GRB10: variants seen among roughly 807,000 people sequenced by gnomAD.
The protein encoded by GRB10 is growth factor receptor-bound protein 10.
In GRB10, 20 loss-of-function variants were observed where a neutral mutation model predicts 80.9. That is an observed-to-expected ratio of 0.25 (90% CI 0.17 to 0.36). The LOEUF (loss-of-function observed/expected upper bound fraction) is 0.36. GRB10 is among the 10% of genes least tolerant of loss of function. GRB10 has a pLI of 1.00. For missense variants in GRB10, 548 were observed against 747.7 expected (o/e 0.73, Z 3.12); for synonymous variants, 291 against 291.5 (o/e 1.00, Z 0.02).
At chr7:50,752,298 T>C (rs1056154778) in intron 3 of GRB10, among the ~76,000 whole-genome samples, 3 of 151,894 alleles carry the variant, frequency 2.0e-5, no homozygotes, top group Non-Finnish European at 4.4e-5. Flanking sequence ...AAGCCAAAAG[T>C]TGAGAGGATG....
chr7:50,649,639 G>T (rs1477203799), intron 7 of GRB10, among the ~76,000 whole-genome samples: 1 of 152,212 alleles, frequency 6.6e-6, no homozygotes. Context: ...GGCTGTGGAT[G>T]ATATGAGGCA....
intron 17 of GRB10, 28 bp from the exon 18 acceptor site, chr7:50,595,558 A>G: frequency 1.7e-6 from 2 of 1,192,418 alleles, no homozygotes; most frequent in Non-Finnish European, 1.3e-6. Flanking sequence ...GTTGATTGCT[A>G]AAATATTTTA....
At chr7:50,775,033 C>T (rs577929438) in intron 2 of GRB10, among the ~76,000 whole-genome samples, 2 of 150,424 alleles carry the variant, frequency 1.3e-5, no homozygotes, top group African/African-American at 4.9e-5. Context: ...TGATGGCACA[C>T]GCCTGTAGTC....
intron 4 of GRB10, among the ~76,000 whole-genome samples, chr7:50,707,847 G>A (rs1172132626): frequency 6.6e-6 from 1 of 152,184 alleles, no homozygotes; most frequent in African/African-American, 2.4e-5. Context: ...TGTGCACTGT[G>A]AGGTATGAGG....
intron 7 of GRB10, among the ~76,000 whole-genome samples, chr7:50,635,955 TCCTTTCC>T (rs1563237056): frequency 9.3e-6 from 1 of 107,542 alleles, no homozygotes; most frequent in Non-Finnish European, 2.0e-5. Flanking sequence ...TTTTTTTTTT[TCCTTTCC>T]TTTTTTTTTT....
intron 2 of GRB10, among the ~76,000 whole-genome samples, chr7:50,765,644 G>C (rs2076266124): frequency 6.6e-6 from 1 of 152,128 alleles, no homozygotes; most frequent in Non-Finnish European, 1.5e-5. Flanking sequence ...GAAGAGTAGG[G>C]GGGTATGGAG....
intron 2 of GRB10, among the ~76,000 whole-genome samples, chr7:50,771,016 A>C (rs1554309589): frequency 1.3e-5 from 2 of 152,134 alleles, no homozygotes; most frequent in African/African-American, 2.4e-5. Context: ...CCCAGCACCC[A>C]GGACTTCAAT....
chr7:50,667,923 GATA>G (rs1298457079), intron 7 of GRB10, among the ~76,000 whole-genome samples: 2 of 152,354 alleles, frequency 1.3e-5, no homozygotes, highest in African/African-American at 4.8e-5. Context: ...GAGAGAGCCA[GATA>G]ATATTTTCAT....
intron 7 of GRB10, among the ~76,000 whole-genome samples, chr7:50,648,364 T>C (rs142866342): frequency 6.6e-4 from 100 of 152,204 alleles, no homozygotes; most frequent in African/African-American, 2.1e-3. Context: ...ACAAGTGGAA[T>C]TGAATAGCAC....
At chr7:50,635,450 A>G (rs1465625298) in intron 7 of GRB10, among the ~76,000 whole-genome samples, 1 of 152,150 alleles carries the variant, frequency 6.6e-6, no homozygotes, top group Non-Finnish European at 1.5e-5. Context: ...TAACAACCCA[A>G]TGTCACACCT....
chr7:50,718,964 T>C (rs781480931), intron 4 of GRB10, among the ~76,000 whole-genome samples: 16 of 152,072 alleles, frequency 1.1e-4, no homozygotes, highest in African/African-American at 2.4e-4. Context: ...AAGAAAAATA[T>C]AGTCAATCTT....
chr7:50,696,114 T>C (rs946235193), intron 5 of GRB10, among the ~76,000 whole-genome samples: 5 of 152,218 alleles, frequency 3.3e-5, no homozygotes, highest in Non-Finnish European at 7.3e-5. Flanking sequence ...TCTTTCCCTA[T>C]TTCCTTTATT....
At chr7:50,688,331 G>A (rs897172724) in intron 5 of GRB10, among the ~76,000 whole-genome samples, 18 of 152,196 alleles carry the variant, frequency 1.2e-4, no homozygotes, top group African/African-American at 4.3e-4. Flanking sequence ...ATAAAGTGAA[G>A]TATGACAGGT....
chr7:50,640,085 G>A (rs973392763), intron 7 of GRB10, among the ~76,000 whole-genome samples: 14 of 152,214 alleles, frequency 9.2e-5, no homozygotes, highest in African/African-American at 3.4e-4. Context: ...TTTAATCTGG[G>A]CTGAAGATAC....
At chr7:50,723,538 TG>T (rs547753953) in intron 4 of GRB10, among the ~76,000 whole-genome samples, 57 of 152,316 alleles carry the variant, frequency 3.7e-4, no homozygotes, top group African/African-American at 1.3e-3. Flanking sequence ...AACCAGAGTC[TG>T]GGGGCAAAGG....
chr7:50,737,666 T>C (rs753678059), intron 3 of GRB10, among the ~76,000 whole-genome samples: 1 of 152,174 alleles, frequency 6.6e-6, no homozygotes, highest in Admixed American at 6.5e-5. Context: ...CTGGCCAACA[T>C]GGTGAAACCC....
intron 3 of GRB10, among the ~76,000 whole-genome samples, chr7:50,738,987 A>G (rs1291855303): frequency 2.0e-5 from 3 of 152,118 alleles, no homozygotes; most frequent in Admixed American, 2.0e-4. Context: ...GTTTATTTTA[A>G]TTAATGAAAA....
chr7:50,739,089 A>C (rs1037219435), intron 3 of GRB10, among the ~76,000 whole-genome samples: 2 of 152,234 alleles, frequency 1.3e-5, no homozygotes, highest in East Asian at 3.8e-4. Context: ...TACTCATTCT[A>C]AAGTCAACAT....
At chr7:50,732,834 A>G (rs1366086288) in intron 3 of GRB10, among the ~76,000 whole-genome samples, 1 of 152,222 alleles carries the variant, frequency 6.6e-6, no homozygotes, top group Non-Finnish European at 1.5e-5. Flanking sequence ...CTAGCTCCAC[A>G]AGCCATAGAA....
Sources: allele counts gnomAD v4.1 joint callset (sites outside exome capture counted in the v4.1 genomes callset), GRCh38; gene constraint gnomAD v4.1.1; transcripts MANE v1.5; gene names NCBI Gene and HGNC (gene_info 2026-07-23, HGNC 2026-07-21).